Variants in FHIT observed in about 807,000 individuals in gnomAD.
FHIT encodes the protein fragile histidine triad diadenosine triphosphatase, also known as bis(5'-adenosyl)-triphosphatase.
FHIT carries 19 observed loss-of-function variants against 17.9 expected under a neutral mutation model. That is an observed-to-expected ratio of 1.06 (90% CI 0.74 to 1.56). The LOEUF is 1.56. Among genes scored for constraint, FHIT ranks in the 40% most tolerant of loss-of-function variants. FHIT has a pLI of 0.00. For synonymous variants in FHIT, 81 were observed against 69.7 expected, an observed-to-expected ratio of 1.16 and a Z score of -0.81; for missense variants, 248 against 189.2, an observed-to-expected ratio of 1.31 and a Z score of -1.82.
chr3:60,763,915 T>A (rs1355954811), intron 4 of FHIT, among the ~76,000 whole-genome samples: 3 of 152,162 alleles, frequency 2.0e-5, no homozygotes, highest in Non-Finnish European at 4.4e-5. Flanking sequence ...CTGTAAAAAG[T>A]TGTGTTCATT....
chr3:60,426,137 T>C (rs146283258), intron 5 of FHIT, among the ~76,000 whole-genome samples: 1,732 of 152,286 alleles, frequency 0.011, 15 homozygotes, highest in Middle Eastern at 0.027. Flanking sequence ...CTACCACTTA[T>C]AAGCTCATTG....
At chr3:61,006,762 C>A (rs2031478804) in intron 3 of FHIT, among the ~76,000 whole-genome samples, 1 of 151,942 alleles carries the variant, frequency 6.6e-6, no homozygotes, top group Non-Finnish European at 1.5e-5. Context: ...ATAAAATATA[C>A]AGAATGAATA....
chr3:60,722,288 C>T (rs1347436607), intron 4 of FHIT, among the ~76,000 whole-genome samples: 4 of 152,154 alleles, frequency 2.6e-5, no homozygotes, highest in Non-Finnish European at 5.9e-5. Context: ...TTACTAGTAG[C>T]CCATTTATAT....
intron 3 of FHIT, among the ~76,000 whole-genome samples, chr3:60,993,047 C>T (rs2030383214): frequency 6.6e-6 from 1 of 152,110 alleles, no homozygotes; most frequent in South Asian, 2.1e-4. Context: ...CGAAAATGTG[C>T]CCAGGGCAGA....
At chr3:60,200,358 T>C (rs1702841268) in intron 5 of FHIT, among the ~76,000 whole-genome samples, 2 of 152,120 alleles carry the variant, frequency 1.3e-5, no homozygotes, top group African/African-American at 2.4e-5. Flanking sequence ...TGCTCTACCA[T>C]GTTGGATTTG....
intron 5 of FHIT, among the ~76,000 whole-genome samples, chr3:60,364,436 T>C (rs1429734320): frequency 6.6e-6 from 1 of 152,250 alleles, no homozygotes; most frequent in Non-Finnish European, 1.5e-5. Context: ...TACATTATAC[T>C]GTATACATGT....
intron 8 of FHIT, among the ~76,000 whole-genome samples, chr3:59,893,834 T>C (rs187587174): frequency 5.9e-5 from 9 of 152,328 alleles, no homozygotes; most frequent in Admixed American, 6.5e-5. Flanking sequence ...ACATTAGGTA[T>C]TGATGGGCAA....
chr3:60,730,070 C>CA (rs2041996735), intron 4 of FHIT: 4 of 502,308 alleles, frequency 8.0e-6, no homozygotes, highest in African/African-American at 4.0e-5. Flanking sequence ...CTCTGGACTT[C>CA]AAAAAATCTC....
At chr3:59,823,262 T>G (rs576020560) in intron 8 of FHIT, among the ~76,000 whole-genome samples, 12 of 152,316 alleles carry the variant, frequency 7.9e-5, no homozygotes, top group African/African-American at 2.9e-4. Context: ...TTAGTCTTGC[T>G]TTGGCTATGT....
chr3:59,931,651 G>C (rs1705975918), intron 7 of FHIT, among the ~76,000 whole-genome samples: 1 of 151,384 alleles, frequency 6.6e-6, no homozygotes, highest in African/African-American at 2.4e-5. Flanking sequence ...AAACTTCGAG[G>C]AAAAAAATAA....
At position 60,437,578 on chromosome 3, in the gene FHIT, A is replaced by T. The variant is rs75245419; in HGVS notation, c.103+99282T>A. 5.3e-3 allele frequency among the ~76,000 whole-genome samples: 804 copies of T among 152,204 alleles called. 10 individuals carry two copies. The highest frequency in any genetic ancestry group is 0.019 in the African/African-American group (777 of 41,536). On this transcript the variant is annotated intron_variant, in intron 5 of 9. Transcript: ENST00000492590. ...TTACATGCATCATCTCATTCCAGCA[A>T]TGATCAACCCTATAAGCTGGGTGTT...
chr3:61,021,702 C>T (rs900582510), intron 3 of FHIT, among the ~76,000 whole-genome samples: 11 of 151,846 alleles, frequency 7.2e-5, no homozygotes, highest in Non-Finnish European at 1.5e-4. Flanking sequence ...CCCTAAAAAC[C>T]GCACAACTAC....
chr3:61,086,639 T>C (rs1404006469), intron 2 of FHIT, among the ~76,000 whole-genome samples: 3 of 152,276 alleles, frequency 2.0e-5, no homozygotes, highest in African/African-American at 7.2e-5. Context: ...TCCAGGGTTC[T>C]GACCCCTCAA....
intron 2 of FHIT, among the ~76,000 whole-genome samples, chr3:61,071,779 TACAAAG>T (rs1349049272): frequency 6.6e-6 from 1 of 152,222 alleles, no homozygotes; most frequent in Non-Finnish European, 1.5e-5. Flanking sequence ...TGTGTGTGTT[TACAAAG>T]ACAAAGATGA....
intron 5 of FHIT, among the ~76,000 whole-genome samples, chr3:60,194,976 G>A (rs528353012): frequency 6.6e-6 from 1 of 152,238 alleles, no homozygotes; most frequent in African/African-American, 2.4e-5. Flanking sequence ...GACCAGCCTG[G>A]CCAACATGGA....
At chr3:60,186,534 C>G (rs972333638) in intron 5 of FHIT, among the ~76,000 whole-genome samples, 7 of 152,132 alleles carry the variant, frequency 4.6e-5, no homozygotes, top group African/African-American at 1.7e-4. Flanking sequence ...AGTGGCAGGG[C>G]AATGTCATCA....
chr3:60,563,764 A>C (rs964207176), intron 4 of FHIT, among the ~76,000 whole-genome samples: 3 of 152,208 alleles, frequency 2.0e-5, no homozygotes, highest in African/African-American at 7.2e-5. Context: ...AGAGGTGAGG[A>C]AGCTACAGAA....
chr3:60,864,525 C>A (rs1704076204), intron 3 of FHIT, among the ~76,000 whole-genome samples: 1 of 152,054 alleles, frequency 6.6e-6, no homozygotes, highest in Non-Finnish European at 1.5e-5. Context: ...GTAGAAGAAA[C>A]TGCATTGGTA....
intron 4 of FHIT, among the ~76,000 whole-genome samples, chr3:60,762,273 G>A (rs1291906758): frequency 6.6e-6 from 1 of 151,902 alleles, no homozygotes; most frequent in Non-Finnish European, 1.5e-5. Flanking sequence ...TTGCATCTAG[G>A]AGTCATCAAA....
Sources: gnomAD v4.1 joint callset for allele counts (sites outside exome capture counted in the v4.1 genomes callset) on GRCh38, gnomAD v4.1.1 for gene constraint, MANE v1.5 for transcripts, NCBI Gene and HGNC (gene_info 2026-07-23, HGNC 2026-07-21) for gene names.